Variants in SUMF1 observed in about 807,000 individuals in gnomAD.
The protein encoded by SUMF1 is sulfatase modifying factor 1.
In SUMF1, 48 loss-of-function variants were observed where a neutral mutation model predicts 47.6. The observed-to-expected ratio is 1.01, with a 90% CI of 0.80 to 1.28. The LOEUF is 1.28. Among genes scored for constraint, SUMF1 ranks in the 50% most tolerant of loss-of-function variants. The probability of loss-of-function intolerance (pLI) is 0.00; values close to 1 mark genes in which losing one functional copy is unlikely to be tolerated. For missense variants in SUMF1, 571 were observed against 485.4 expected (o/e 1.18, Z -1.66); for synonymous variants, 230 against 192.1 (o/e 1.20, Z -1.63).
intron 8 of SUMF1, among the ~76,000 whole-genome samples, chr3:4,366,103 C>T (rs1699946014): frequency 6.6e-6 from 1 of 151,892 alleles, no homozygotes; most frequent in Non-Finnish European, 1.5e-5. Flanking sequence ...GTCTGATGGG[C>T]TTCCCTTCGT....
At chr3:4,075,574 T>G (rs916284396) in intron 8 of SUMF1, among the ~76,000 whole-genome samples, 3 of 152,112 alleles carry the variant, frequency 2.0e-5, no homozygotes, top group African/African-American at 7.3e-5. Context: ...ATGACATGTT[T>G]ATATATTTAG....
intron 7 of SUMF1, among the ~76,000 whole-genome samples, chr3:4,398,555 G>T (rs1243000745): frequency 6.6e-6 from 1 of 152,154 alleles, no homozygotes; most frequent in African/African-American, 2.4e-5. Context: ...CTATAGGAAT[G>T]GGAAATGGCA....
At chr3:4,193,442 G>A (rs764611329) in intron 8 of SUMF1, among the ~76,000 whole-genome samples, 23 of 152,092 alleles carry the variant, frequency 1.5e-4, no homozygotes, top group Admixed American at 5.9e-4. Flanking sequence ...TTGATCAGAA[G>A]TGCAGGTGGA....
At chr3:4,155,182 C>A (rs1694424848) in intron 8 of SUMF1, among the ~76,000 whole-genome samples, 1 of 151,430 alleles carries the variant, frequency 6.6e-6, no homozygotes, top group South Asian at 2.1e-4. Context: ...GACTTTCTCA[C>A]CCCTGCAGGC....
chr3:4,129,903 G>A (rs1479855543), intron 8 of SUMF1, among the ~76,000 whole-genome samples: 1 of 152,058 alleles, frequency 6.6e-6, no homozygotes, highest in African/African-American at 2.4e-5. Flanking sequence ...ATGCATAATT[G>A]GCACAAACAT....
chr3:4,346,748 G>C (rs1182440450), intron 8 of SUMF1, among the ~76,000 whole-genome samples: 1 of 151,876 alleles, frequency 6.6e-6, no homozygotes, highest in Non-Finnish European at 1.5e-5. Flanking sequence ...CCATGAGCTG[G>C]TTTTTTGAAA....
intron 8 of SUMF1, among the ~76,000 whole-genome samples, chr3:4,374,666 A>G (rs1700267759): frequency 6.6e-6 from 1 of 152,188 alleles, no homozygotes; most frequent in Non-Finnish European, 1.5e-5. Flanking sequence ...ACTGGTGACA[A>G]TTAGGATTTT....
At chr3:4,147,692 C>T (rs931793508) in intron 8 of SUMF1, among the ~76,000 whole-genome samples, 1 of 152,014 alleles carries the variant, frequency 6.6e-6, no homozygotes, top group African/African-American at 2.4e-5. Context: ...ACTTATTGTA[C>T]AGAACCAGAT....
rs921254327 is a variant in SUMF1 at position 4,250,377 on chromosome 3, G to A, written c.1014+125953C>T. The stretch of plus-strand genomic sequence containing the variant: ...AAGGAAAGAAAGTAATCTAGCAGAC[G>A]TTGGCTCATGAGGTTTGAGAAAAGC... On this transcript the variant is annotated intron_variant and NMD_transcript_variant, in intron 8 of 12. Transcript: ENST00000448413. Among the ~76,000 whole-genome samples, 7 of 152,154 alleles carry A rather than the reference G, an allele frequency of 4.6e-5. No individual in the cohort carries two copies. The East Asian group carries it at 5.8e-4, about 13-fold the overall frequency.
At chr3:4,086,481 G>T (rs111786656) in intron 8 of SUMF1, among the ~76,000 whole-genome samples, 2 of 152,006 alleles carry the variant, frequency 1.3e-5, no homozygotes, top group Non-Finnish European at 2.9e-5. Context: ...TCTCATGCCC[G>T]ATCTGTCATG....
chr3:4,066,755 G>A (rs1324446055), intron 9 of SUMF1, among the ~76,000 whole-genome samples: 1 of 152,130 alleles, frequency 6.6e-6, no homozygotes, highest in Non-Finnish European at 1.5e-5. Context: ...CTTATCCCCT[G>A]GCAAAACTCA....
intron 9 of SUMF1, among the ~76,000 whole-genome samples, chr3:4,056,378 T>G (rs1695191443): frequency 6.6e-6 from 1 of 152,044 alleles, no homozygotes. Flanking sequence ...AATAAAATAT[T>G]AACAATATTT....
At chr3:4,143,537 G>A (rs1574921952) in intron 8 of SUMF1, among the ~76,000 whole-genome samples, 1 of 151,952 alleles carries the variant, frequency 6.6e-6, no homozygotes, top group Non-Finnish European at 1.5e-5. Flanking sequence ...CATTTATTTT[G>A]ACATTATTAT....
At chr3:4,359,851 AGGCT>A, downstream of SUMF1, among the ~76,000 whole-genome samples, 1 of 152,298 alleles carries the variant, frequency 6.6e-6, no homozygotes, top group African/African-American at 2.4e-5. Context: ...TCAGTTGCCC[AGGCT>A]GGTCTCAAGT....
chr3:4,145,171 C>A, intron 8 of SUMF1, among the ~76,000 whole-genome samples: 1 of 122,964 alleles, frequency 8.1e-6, no homozygotes, highest in African/African-American at 3.0e-5. Context: ...CTAGCCTGGG[C>A]AACAGAGTGA....
chr3:4,364,911 T>A (rs1699898134), intron 8 of SUMF1, among the ~76,000 whole-genome samples: 2 of 150,562 alleles, frequency 1.3e-5, no homozygotes, highest in Admixed American at 1.3e-4. Context: ...TCCCAGAGAT[T>A]CTGGTATGTT....
At chr3:4,107,355 C>T (rs1258359821) in intron 8 of SUMF1, among the ~76,000 whole-genome samples, 2 of 152,014 alleles carry the variant, frequency 1.3e-5, no homozygotes, top group African/African-American at 2.4e-5. Flanking sequence ...CAGTAGTGTG[C>T]TGTTTTATTT....
At chr3:4,191,292 A>G (rs935159605) in intron 8 of SUMF1, among the ~76,000 whole-genome samples, 1 of 152,120 alleles carries the variant, frequency 6.6e-6, no homozygotes, top group African/African-American at 2.4e-5. Context: ...TCCTCTTCCC[A>G]CCATACTCAC....
At chr3:4,372,123 T>C (rs1575145378) in intron 8 of SUMF1, among the ~76,000 whole-genome samples, 1 of 152,068 alleles carries the variant, frequency 6.6e-6, no homozygotes, top group Admixed American at 6.6e-5. Flanking sequence ...GCCTGGCCAA[T>C]TTGGTGAAAC....
Sources: allele counts gnomAD v4.1 joint callset (sites outside exome capture counted in the v4.1 genomes callset), GRCh38; gene constraint gnomAD v4.1.1; transcripts MANE v1.5; gene names NCBI Gene and HGNC (gene_info 2026-07-23, HGNC 2026-07-21).